Variants in EFCAB6 observed in about 807,000 individuals in gnomAD.
The protein encoded by EFCAB6 is EF-hand calcium binding domain 6.
In EFCAB6, 156 loss-of-function variants were observed where a neutral mutation model predicts 169.8. The ratio of observed to expected loss-of-function variants is 0.92; its 90% CI spans 0.81 to 1.05. EFCAB6 has a LOEUF of 1.05. Ranked by LOEUF, EFCAB6 falls within the 50% of genes least tolerant of loss-of-function variation. The pLI is 0.00. For synonymous variants in EFCAB6, 698 were observed against 676.4 expected (o/e 1.03, Z -0.50); for missense variants, 1,800 against 1,829.1 (o/e 0.98, Z 0.29).
intron 26 of EFCAB6, among the ~76,000 whole-genome samples, chr22:43,566,966 T>C (rs936786281): frequency 6.6e-6 from 1 of 152,152 alleles, no homozygotes; most frequent in East Asian, 1.9e-4. Flanking sequence ...CCCTGGGCTC[T>C]GGAAGCACTA....
intron 12 of EFCAB6, among the ~76,000 whole-genome samples, chr22:43,678,805 G>A (rs189043707): frequency 1.5e-3 from 228 of 152,262 alleles, no homozygotes; most frequent in African/African-American, 5.2e-3. Flanking sequence ...GAAAGACAGG[G>A]TAAATAAAGA....
At chr22:43,727,996 T>C (rs1015499705) in intron 8 of EFCAB6, among the ~76,000 whole-genome samples, 1 of 151,700 alleles carries the variant, frequency 6.6e-6, no homozygotes, top group Non-Finnish European at 1.5e-5. Flanking sequence ...GCTGCACCCA[T>C]CAACCCATCA....
chr22:43,531,180 A>G (rs1369288987), intron 30 of EFCAB6, among the ~76,000 whole-genome samples: 1 of 152,162 alleles, frequency 6.6e-6, no homozygotes, highest in Non-Finnish European at 1.5e-5. Flanking sequence ...AAAAACGTGT[A>G]TTACATCAGC....
chr22:43,663,903 T>G (rs1328262212), intron 17 of EFCAB6, among the ~76,000 whole-genome samples: 1 of 152,134 alleles, frequency 6.6e-6, no homozygotes, highest in African/African-American at 2.4e-5. Context: ...AGAGAGTAAT[T>G]TCCATTATCT....
intron 6 of EFCAB6, among the ~76,000 whole-genome samples, chr22:43,752,573 G>A (rs1404678663): frequency 6.6e-6 from 1 of 152,164 alleles, no homozygotes; most frequent in Non-Finnish European, 1.5e-5. Flanking sequence ...CAATTTCCTT[G>A]CCCGTGATTG....
chr22:43,600,199 A>G lies in EFCAB6; in HGVS notation c.2746T>C (p.Tyr916His), dbSNP rs1213424402. 1 of 1,614,084 alleles carries G rather than the reference A, an allele frequency of 6.2e-7. No individual in the cohort carries two copies. The highest frequency in any genetic ancestry group is 1.3e-5 in the African/African-American group (1 of 74,936). ...CAGGGCCGATGGACAGCAGGCGAAT[A>G]GTTAATACCCAATTTCTGTAAAAAT... ...QEFLQKLGIN[Y>H]SPAVHRPCAE... The change falls in exon 23 of 32, where the codon TAT (tyrosine) becomes CAT (histidine). Residue 916 changes from tyrosine (Y) to histidine (H), a missense_variant. Coordinates refer to ENST00000262726, the MANE Select transcript of EFCAB6 (RefSeq NM_022785.4).
At chr22:43,639,037 G>A (rs771998537) in intron 17 of EFCAB6, among the ~76,000 whole-genome samples, 1 of 150,140 alleles carries the variant, frequency 6.7e-6, no homozygotes, top group Non-Finnish European at 1.5e-5. Flanking sequence ...CGCCCACCTC[G>A]GCCTCCCAAA....
intron 26 of EFCAB6, among the ~76,000 whole-genome samples, chr22:43,566,255 G>T (rs2049419657): frequency 6.6e-6 from 1 of 152,216 alleles, no homozygotes; most frequent in Admixed American, 6.5e-5. Context: ...CAGATTTCCA[G>T]GCGCAGTTCC....
intron 21 of EFCAB6, among the ~76,000 whole-genome samples, chr22:43,610,228 T>C (rs938254757): frequency 2.0e-5 from 3 of 152,102 alleles, no homozygotes; most frequent in Non-Finnish European, 4.4e-5. Context: ...TAAGAACACA[T>C]AATACACACT....
intron 7 of EFCAB6, 101 bp downstream of exon 7, chr22:43,735,756 G>A (rs766183308): frequency 7.5e-7 from 1 of 1,341,302 alleles, no homozygotes; most frequent in African/African-American, 1.5e-5. Context: ...GTGGCAGGGG[G>A]AGGTGAGAGA....
intron 3 of EFCAB6, among the ~76,000 whole-genome samples, chr22:43,779,726 C>T (rs939327641): frequency 2.6e-5 from 4 of 151,772 alleles, no homozygotes; most frequent in South Asian, 2.1e-4. Flanking sequence ...GGCAACAGGG[C>T]GAGACTCCGC....
At chr22:43,605,891 T>C (rs2052884187) in intron 22 of EFCAB6, among the ~76,000 whole-genome samples, 1 of 152,206 alleles carries the variant, frequency 6.6e-6, no homozygotes, top group Admixed American at 6.5e-5. Flanking sequence ...CATGCAATAC[T>C]TTCCAGGAAG....
chr22:43,592,514 T>C (rs2051633007), intron 23 of EFCAB6, among the ~76,000 whole-genome samples: 1 of 152,232 alleles, frequency 6.6e-6, no homozygotes, highest in Non-Finnish European at 1.5e-5. Flanking sequence ...CTTGGACTGG[T>C]TTCTAGGCAG....
chr22:43,571,358 G>T (rs1183876859), intron 26 of EFCAB6, among the ~76,000 whole-genome samples: 1 of 152,166 alleles, frequency 6.6e-6, no homozygotes, highest in Non-Finnish European at 1.5e-5. Flanking sequence ...GAGAGTTGCC[G>T]ACTGTCTTAA....
At chr22:43,652,953 T>C (rs1163379727) in intron 17 of EFCAB6, among the ~76,000 whole-genome samples, 1 of 152,016 alleles carries the variant, frequency 6.6e-6, no homozygotes, top group Non-Finnish European at 1.5e-5. Context: ...ATACTAAAAT[T>C]AAGAACTCGG....
intron 26 of EFCAB6, among the ~76,000 whole-genome samples, chr22:43,557,251 T>C (rs554756431): frequency 5.3e-5 from 8 of 152,304 alleles, no homozygotes; most frequent in Admixed American, 3.3e-4. Context: ...CCTGAGATGA[T>C]GTATATGAAT....
chr22:43,589,728 C>T (rs151162095), intron 24 of EFCAB6, among the ~76,000 whole-genome samples: 151 of 152,236 alleles, frequency 9.9e-4, no homozygotes, highest in Middle Eastern at 3.4e-3. Context: ...GCAGAGGTTG[C>T]AGTGAGCTGA....
At chr22:43,554,834 G>A (rs908195322) in intron 27 of EFCAB6, 35 bp downstream of exon 27, 23 of 1,579,954 alleles carry the variant, frequency 1.5e-5, no homozygotes, top group Non-Finnish European at 1.3e-5. Context: ...CTCAGCCAAC[G>A]GTGTGCAGGG....
In EFCAB6 at chr22:43,784,676, TACACACACACACAC is replaced by T. The variant is rs571679900; in HGVS notation, c.-7-2365_-7-2352del. On this transcript the variant is annotated intron_variant, in intron 2 of 31. Transcript: ENST00000262726. ...ATGTGTATATATACATATACATATATACACACACACACACACACACACACACACACACACACACA... is the reference window on the plus strand; with the variant it reads ...ATGTGTATATATACATATACATATATACACACACACACACACACACACACA... 2.4e-3 allele frequency among the ~76,000 whole-genome samples: 153 copies of T among 63,134 alleles called. 5 individuals are homozygous for T. The highest frequency in any genetic ancestry group is 7.6e-3 in the African/African-American group (138 of 18,246). The allele number at this position is 63,134 out of a possible 152,430, so 41.4% of individuals were successfully genotyped here.
Sources: allele counts gnomAD v4.1 joint callset (sites outside exome capture counted in the v4.1 genomes callset), GRCh38; gene constraint gnomAD v4.1.1; transcripts MANE v1.5; gene names NCBI Gene and HGNC (gene_info 2026-07-23, HGNC 2026-07-21).